NCK1: variants seen among roughly 807,000 people sequenced by gnomAD.
The protein encoded by NCK1 is NCK adaptor protein 1.
Under a neutral mutation model 36.6 loss-of-function variants are expected in NCK1, and 19 were observed. The observed-to-expected ratio is 0.52, with a 90% CI of 0.36 to 0.76. The LOEUF (loss-of-function observed/expected upper bound fraction) is 0.76, where lower values mean the gene tolerates loss of function less well. NCK1 is among the 30% of genes least tolerant of loss of function. The pLI, the probability that NCK1 is intolerant of heterozygous loss-of-function variation, is 0.00. For missense variants in NCK1, 358 were observed against 445.6 expected (o/e 0.80, Z 1.77); for synonymous variants, 165 against 156.0 (o/e 1.06, Z -0.43).
At chr3:136,868,332 GT>G (rs879506154) in intron 1 of NCK1, among the ~76,000 whole-genome samples, 8 of 149,540 alleles carry the variant, frequency 5.3e-5, no homozygotes, top group Admixed American at 1.3e-4. Context: ...TTACCATTGA[GT>G]TTTTTTTTTC....
intron 1 of NCK1, among the ~76,000 whole-genome samples, chr3:136,927,712 G>T (rs975327757): frequency 6.6e-6 from 1 of 152,088 alleles, no homozygotes; most frequent in East Asian, 1.9e-4. Context: ...GTACAGATGG[G>T]GTTTCACCAT....
intron 1 of NCK1, among the ~76,000 whole-genome samples, chr3:136,870,339 C>T (rs1479811542): frequency 1.4e-5 from 1 of 73,286 alleles, no homozygotes; most frequent in Non-Finnish European, 3.0e-5. Context: ...GAGACTTAAT[C>T]TCAAAAAAAA....
intron 1 of NCK1, among the ~76,000 whole-genome samples, chr3:136,885,606 A>G (rs1397801868): frequency 6.6e-6 from 1 of 152,186 alleles, no homozygotes; most frequent in Non-Finnish European, 1.5e-5. Flanking sequence ...CACCCAGCGT[A>G]CTTAAACCTT....
intron 1 of NCK1, among the ~76,000 whole-genome samples, chr3:136,888,382 G>A (rs1005741431): frequency 5.9e-5 from 9 of 152,046 alleles, no homozygotes; most frequent in Non-Finnish European, 1.0e-4. Flanking sequence ...ATTCAGAGTT[G>A]TGCAACCATC....
intron 2 of NCK1, among the ~76,000 whole-genome samples, chr3:136,932,720 C>T (rs1043716524): frequency 5.9e-5 from 9 of 152,178 alleles, no homozygotes; most frequent in African/African-American, 2.2e-4. Context: ...CCTTCTAACT[C>T]TAAAAGTCTT....
intron 2 of NCK1, among the ~76,000 whole-genome samples, chr3:136,940,969 GC>G: frequency 6.6e-6 from 1 of 152,120 alleles, no homozygotes; most frequent in Admixed American, 6.5e-5. Context: ...TGAGTGTCTT[GC>G]AGATAACAGT....
intron 1 of NCK1, among the ~76,000 whole-genome samples, chr3:136,883,865 G>C (rs1939008110): frequency 6.6e-6 from 1 of 152,186 alleles, no homozygotes; most frequent in Non-Finnish European, 1.5e-5. Context: ...ATTGATGTGT[G>C]ACTTAAGGGG....
rs1939627756 is a variant in NCK1 at position 136,904,428 on chromosome 3, C to CA, written c.-18-23555dup. Among the ~76,000 whole-genome samples, 8 of 152,198 alleles carry CA rather than the reference C, an allele frequency of 5.3e-5. No homozygotes were observed. In the South Asian group the frequency reaches 1.7e-3, roughly 31 times the overall value. Reference sequence around the variant, plus strand: ...TCAGCCTCCCAAAGTGCTAGGATTACAGGCGTGAGCCACCGTACCTGGCCT... The same window carrying CA: ...TCAGCCTCCCAAAGTGCTAGGATTACAAGGCGTGAGCCACCGTACCTGGCCT... On this transcript the variant is annotated intron_variant, in intron 1 of 3. Coordinates refer to ENST00000481752, the MANE Select transcript of NCK1 (RefSeq NM_001291999.2).
intron 1 of NCK1, among the ~76,000 whole-genome samples, chr3:136,880,295 A>G (rs1219338623): frequency 2.0e-5 from 3 of 152,106 alleles, no homozygotes; most frequent in Non-Finnish European, 4.4e-5. Flanking sequence ...AAAAAAAAAA[A>G]AAGAATGTGA....
At chr3:136,918,240 C>T (rs1940015508) in intron 1 of NCK1, among the ~76,000 whole-genome samples, 1 of 151,984 alleles carries the variant, frequency 6.6e-6, no homozygotes, top group African/African-American at 2.4e-5. Flanking sequence ...CATATTATCT[C>T]TTAGTTCATT....
At chr3:136,896,043 G>A (rs1939383260) in intron 1 of NCK1, among the ~76,000 whole-genome samples, 3 of 151,602 alleles carry the variant, frequency 2.0e-5, no homozygotes, top group African/African-American at 7.3e-5. Context: ...ATATTTACGA[G>A]GCACATGTGA....
At chr3:136,898,628 A>G (rs1939454226) in intron 1 of NCK1, among the ~76,000 whole-genome samples, 1 of 152,224 alleles carries the variant, frequency 6.6e-6, no homozygotes, top group South Asian at 2.1e-4. Context: ...CATCTTTGCA[A>G]TAAAACTGAT....
intron 1 of NCK1, among the ~76,000 whole-genome samples, chr3:136,912,131 A>G (rs1239659199): frequency 6.6e-6 from 1 of 150,602 alleles, no homozygotes; most frequent in Non-Finnish European, 1.5e-5. Flanking sequence ...GTCTTTCATC[A>G]AATTTGGGAA....
intron 1 of NCK1, among the ~76,000 whole-genome samples, chr3:136,902,262 A>G (rs1316728606): frequency 2.0e-5 from 3 of 146,924 alleles, no homozygotes; most frequent in East Asian, 4.0e-4. Context: ...CAGTGGCACT[A>G]TCTCAGCTTA....
chr3:136,940,429 T>C (rs1000877636), intron 2 of NCK1, among the ~76,000 whole-genome samples: 1 of 152,222 alleles, frequency 6.6e-6, no homozygotes, highest in Admixed American at 6.5e-5. Flanking sequence ...TTTTTTGCTT[T>C]ATATGCCTTG....
rs752517381 is a variant in NCK1 at position 136,938,441 on chromosome 3, T to C, written c.227-7142T>C. ...AAATGTGAGTCATCTGATGTGCACATTCCCAGTTGAGGCAATGTTCTTCCT... is the reference window on the plus strand; with the variant it reads ...AAATGTGAGTCATCTGATGTGCACACTCCCAGTTGAGGCAATGTTCTTCCT... On this transcript the variant is annotated intron_variant, in intron 2 of 3. Coordinates refer to ENST00000481752, the MANE Select transcript of NCK1 (RefSeq NM_001291999.2). Among the ~76,000 whole-genome samples the C allele has an allele frequency of 6.7e-4, 102 of 152,164 alleles. 1 individual carries two copies. The highest frequency in any genetic ancestry group is 1.8e-4 in the Non-Finnish European group (12 of 67,998).
At chr3:136,918,349 A>G (rs561293892) in intron 1 of NCK1, among the ~76,000 whole-genome samples, 82 of 152,240 alleles carry the variant, frequency 5.4e-4, no homozygotes, top group African/African-American at 1.8e-3. Context: ...CTGGAAAAAA[A>G]AATACACTAA....
At chr3:136,865,882 C>G (rs1560027830) in intron 1 of NCK1, among the ~76,000 whole-genome samples, 1 of 152,220 alleles carries the variant, frequency 6.6e-6, no homozygotes, top group Non-Finnish European at 1.5e-5. Context: ...GGTGACATTA[C>G]CATGCTTTCA....
intron 1 of NCK1, among the ~76,000 whole-genome samples, chr3:136,890,808 G>A (rs1043533592): frequency 1.3e-5 from 2 of 152,076 alleles, no homozygotes; most frequent in Non-Finnish European, 2.9e-5. Context: ...TTGTTATGCA[G>A]CCATCACCAC....
Sources: gnomAD v4.1 joint callset for allele counts (sites outside exome capture counted in the v4.1 genomes callset) on GRCh38, gnomAD v4.1.1 for gene constraint, MANE v1.5 for transcripts, NCBI Gene and HGNC (gene_info 2026-07-23, HGNC 2026-07-21) for gene names.